EHBP1: variants seen among roughly 807,000 people sequenced by gnomAD.
The protein encoded by EHBP1 is EH domain binding protein 1, also known as EH domain-binding protein 1.
A neutral mutation model predicts 144.0 loss-of-function variants in EHBP1; 55 were observed. The observed-to-expected ratio is 0.38, with a 90% CI of 0.31 to 0.48. The LOEUF (loss-of-function observed/expected upper bound fraction) is 0.48, where lower values mean the gene tolerates loss of function less well. EHBP1 is among the 20% of genes least tolerant of loss of function. The probability of loss-of-function intolerance (pLI) is 0.98; values close to 1 mark genes in which losing one functional copy is unlikely to be tolerated. For synonymous variants in EHBP1, 469 were observed against 472.7 expected, an observed-to-expected ratio of 0.99 and a Z score of 0.10; for missense variants, 1,200 against 1,364.2, an observed-to-expected ratio of 0.88 and a Z score of 1.90.
In EHBP1 at chr2:62,996,663, T is replaced by C. The variant is rs2153225378; in HGVS notation, c.3000T>C (p.Ser1000=). ...AACAGAAAGGGTTCAAAGACACCAG[T>C]CAGTATGTAGTAGGAGAATTGGCAG... ...EVLNKGFKDT[S]QYVVGELAAL... The change falls in exon 19 of 23, where the codon AGT becomes AGC. Residue 1000 remains serine (S), a synonymous_variant. Coordinates refer to ENST00000431489, the MANE Select transcript of EHBP1 (RefSeq NM_001142616.3). 1 of 1,613,350 alleles carries C rather than the reference T, an allele frequency of 6.2e-7. No homozygotes were observed. Among genetic ancestry groups the C allele is most frequent in the Admixed American group, 1.7e-5 (1 of 59,934 alleles).
chr2:63,030,556 C>T (rs576258464), intron 19 of EHBP1, among the ~76,000 whole-genome samples: 10 of 151,850 alleles, frequency 6.6e-5, no homozygotes, highest in Admixed American at 2.0e-4. Context: ...GGTGCAATCT[C>T]GGCCCACTGC....
chr2:62,758,422 G>T (rs1449877671), intron 3 of EHBP1, among the ~76,000 whole-genome samples: 2 of 152,082 alleles, frequency 1.3e-5, no homozygotes, highest in African/African-American at 4.8e-5. Context: ...AATAATTTTT[G>T]ATTGAGAGAA....
intron 7 of EHBP1, among the ~76,000 whole-genome samples, chr2:62,843,563 T>C (rs1381439174): frequency 6.6e-6 from 1 of 152,206 alleles, no homozygotes; most frequent in Non-Finnish European, 1.5e-5. Context: ...CTTGTCATTT[T>C]CTATTATGTT....
chr2:63,028,951 C>T (rs1037321098), intron 19 of EHBP1, among the ~76,000 whole-genome samples: 2 of 152,156 alleles, frequency 1.3e-5, no homozygotes, highest in African/African-American at 2.4e-5. Flanking sequence ...TTCTTTTCTT[C>T]AAATTATATC....
At chr2:62,674,130 T>C (rs981598809) in intron 1 of EHBP1, 10 of 470,992 alleles carry the variant, frequency 2.1e-5, no homozygotes, top group Admixed American at 1.6e-4. Flanking sequence ...TCTAGAAGCA[T>C]CCCCAAATAT....
intron 15 of EHBP1, 71 bp downstream of exon 15, chr2:62,979,406 A>C: frequency 6.7e-7 from 1 of 1,483,202 alleles, no homozygotes; most frequent in Middle Eastern, 1.9e-4. Context: ...GGGACTTTTT[A>C]TTCTTACTTC....
At chr2:62,912,068 T>C (rs2054264960) in intron 10 of EHBP1, among the ~76,000 whole-genome samples, 1 of 152,098 alleles carries the variant, frequency 6.6e-6, no homozygotes, top group African/African-American at 2.4e-5. Flanking sequence ...AAGCTGCAAA[T>C]GGTTGAAAAC....
At chr2:62,834,553 T>C (rs1231103150) in intron 7 of EHBP1, among the ~76,000 whole-genome samples, 4 of 152,260 alleles carry the variant, frequency 2.6e-5, no homozygotes. Flanking sequence ...TTAGACATAA[T>C]GCTATTGCAC....
At position 63,037,631 on chromosome 2, in the gene EHBP1, T is replaced by A; in HGVS notation, c.3200T>A (p.Leu1067His). 1 of 1,566,342 alleles carries A rather than the reference T, an allele frequency of 6.4e-7. No homozygotes were observed. The highest frequency in any genetic ancestry group is 8.8e-7 in the Non-Finnish European group (1 of 1,142,754). The change falls in exon 20 of 23, where the codon CTT becomes CAT. Residue 1067 changes from leucine to histidine, a missense_variant. Physicochemically the swap from Leu to His is moderately conservative, Grantham distance 99. Coordinates refer to ENST00000431489, the MANE Select transcript of EHBP1 (RefSeq NM_001142616.3). ...ATAAGGAGAATGAATCAGCTCTCTC[T>A]TCTGTAAGTACTCATCATTATGCTT... ...ALIRRMNQLS[L>H]LEKEHDLERR...
chr2:63,026,843 CATTGCTA>C (rs2061003573), intron 19 of EHBP1, among the ~76,000 whole-genome samples: 1 of 152,208 alleles, frequency 6.6e-6, no homozygotes, highest in East Asian at 1.9e-4. Context: ...GCTCTGACAT[CATTGCTA>C]AGTCCCAATG....
chr2:62,952,475 C>A (rs1055131960), intron 13 of EHBP1, among the ~76,000 whole-genome samples: 1 of 152,126 alleles, frequency 6.6e-6, no homozygotes, highest in South Asian at 2.1e-4. Flanking sequence ...GTAACTCTTA[C>A]AATTAAGACC....
At chr2:62,724,987 C>T (rs1315641655) in intron 2 of EHBP1, among the ~76,000 whole-genome samples, 2 of 152,146 alleles carry the variant, frequency 1.3e-5, no homozygotes, top group Non-Finnish European at 2.9e-5. Context: ...GGACTGCTGA[C>T]CTAGAGGACT....
At chr2:62,954,223 C>T (rs2057563042) in intron 13 of EHBP1, among the ~76,000 whole-genome samples, 1 of 152,150 alleles carries the variant, frequency 6.6e-6, no homozygotes, top group Non-Finnish European at 1.5e-5. Context: ...AACTGACCTG[C>T]TCAATGTTAC....
At chr2:62,687,243 G>A (rs2033747756) in intron 1 of EHBP1, among the ~76,000 whole-genome samples, 1 of 152,162 alleles carries the variant, frequency 6.6e-6, no homozygotes, top group Non-Finnish European at 1.5e-5. Context: ...TAAGATGAAA[G>A]TAAACTTTTT....
chr2:62,860,912 C>G (rs1423087547), intron 8 of EHBP1, among the ~76,000 whole-genome samples: 1 of 151,896 alleles, frequency 6.6e-6, no homozygotes, highest in Admixed American at 6.6e-5. Flanking sequence ...AACCACTGAT[C>G]TTTTTAAATA....
chr2:63,038,370 C>T (rs1236992176), intron 20 of EHBP1, among the ~76,000 whole-genome samples: 3 of 152,028 alleles, frequency 2.0e-5, no homozygotes, highest in Non-Finnish European at 4.4e-5. Flanking sequence ...TAAATTTGCA[C>T]TGCTGGTACT....
chr2:62,810,700 G>C (rs1167481949), intron 5 of EHBP1, among the ~76,000 whole-genome samples: 1 of 152,206 alleles, frequency 6.6e-6, no homozygotes, highest in Non-Finnish European at 1.5e-5. Flanking sequence ...GGCCGTGGAA[G>C]ATGTAATACT....
intron 19 of EHBP1, among the ~76,000 whole-genome samples, chr2:63,013,306 G>A (rs2060345547): frequency 1.3e-5 from 2 of 152,086 alleles, no homozygotes; most frequent in South Asian, 2.1e-4. Flanking sequence ...GACTCTCTTT[G>A]GACTTTATGA....
At chr2:62,961,822 G>A (rs944169920) in intron 14 of EHBP1, among the ~76,000 whole-genome samples, 8 of 152,138 alleles carry the variant, frequency 5.3e-5, no homozygotes, top group Non-Finnish European at 8.8e-5. Context: ...CAGATCACCT[G>A]AGGTCAGGAC....
Sources: gnomAD v4.1 joint callset for allele counts (sites outside exome capture counted in the v4.1 genomes callset) on GRCh38, gnomAD v4.1.1 for gene constraint, MANE v1.5 for transcripts, NCBI Gene and HGNC (gene_info 2026-07-23, HGNC 2026-07-21) for gene names.